TECTA: variants seen among roughly 807,000 people sequenced by gnomAD.
The protein encoded by TECTA is tectorin alpha.
Under a neutral mutation model 216.8 loss-of-function variants are expected in TECTA, and 128 were observed. The ratio of observed to expected loss-of-function variants is 0.59; its 90% confidence interval spans 0.51 to 0.68. The LOEUF is 0.68. Ranked by LOEUF, TECTA falls within the 30% of genes least tolerant of loss-of-function variation. The probability of loss-of-function intolerance (pLI) is 0.00; values close to 1 mark genes in which losing one functional copy is unlikely to be tolerated. For synonymous variants in TECTA, 1,089 were observed against 1,117.1 expected, an observed-to-expected ratio of 0.97 and a Z score of 0.50; for missense variants, 2,551 against 2,786.2, an observed-to-expected ratio of 0.92 and a Z score of 1.90.
At chr11:121,137,085 C>T (rs1450029921) in intron 10 of TECTA, among the ~76,000 whole-genome samples, 1 of 152,214 alleles carries the variant, frequency 6.6e-6, no homozygotes, top group Non-Finnish European at 1.5e-5. Context: ...TAAGACCACA[C>T]ACATATACAG....
At position 121,160,373 on chromosome 11, in the gene TECTA, G is replaced by A. The variant is rs1443352680; in HGVS notation, c.4928G>A (p.Ser1643Asn). 6.2e-7 allele frequency: 1 copy of A among 1,613,564 alleles called. No homozygotes were observed. Among genetic ancestry groups the A allele is most frequent in the Non-Finnish European group, 8.5e-7 (1 of 1,179,996 alleles). The change falls in exon 15 of 24, where the codon AGC becomes AAC. Residue 1643 changes from serine to asparagine, a missense_variant. Physicochemically the swap from Ser to Asn is conservative, Grantham distance 46. Coordinates refer to ENST00000392793, the MANE Select transcript of TECTA (RefSeq NM_005422.4). Reference sequence around the variant, plus strand: ...ACCTTGCGAGGGAAGCCGGTGGTAAGCAGCGTGGTGCTGGCCCAGAGCTGG... The same window carrying A: ...ACCTTGCGAGGGAAGCCGGTGGTAAACAGCGTGGTGCTGGCCCAGAGCTGG... ...YVTLRGKPVV[S>N]SVVLAQSWKT...
rs777385557 is a variant in TECTA at position 121,189,080 on chromosome 11, A to G, written c.6163A>G (p.Thr2055Ala). ...TTCCCCCTGGTATTCTGTCTTGCAG[A>G]CTTGCCCACACAATTCCAGGATTGC... ...CDSEKYSCKI[T>A]CPHNSRIATD... The change falls in exon 22 of 24, where the codon ACT becomes GCT. Residue 2055 changes from threonine (T) to alanine (A), a missense_variant and splice_region_variant. By Grantham distance (58) the Thr-to-Ala change is moderately conservative. Coordinates refer to ENST00000392793, the MANE Select transcript of TECTA (RefSeq NM_005422.4). 6.2e-7 allele frequency: 1 copy of G among 1,614,054 alleles called. No homozygotes were observed. Among genetic ancestry groups the G allele is most frequent in the Non-Finnish European group, 8.5e-7 (1 of 1,180,004 alleles).
intron 20 of TECTA, among the ~76,000 whole-genome samples, chr11:121,180,854 A>ACCTGTATT (rs1947220877): frequency 7.0e-6 from 1 of 142,544 alleles, no homozygotes; most frequent in African/African-American, 2.6e-5. Flanking sequence ...TATTTCAAAG[A>ACCTGTATT]CCTGTATTCA....
At chr11:121,136,223 AG>A (rs1225787717) in intron 10 of TECTA, among the ~76,000 whole-genome samples, 1 of 152,048 alleles carries the variant, frequency 6.6e-6, no homozygotes, top group African/African-American at 2.4e-5. Context: ...AGCCTCCCAA[AG>A]TGCTGGGATT....
At chr11:121,154,245 A>G (rs1946920433) in intron 13 of TECTA, among the ~76,000 whole-genome samples, 1 of 152,244 alleles carries the variant, frequency 6.6e-6, no homozygotes, top group African/African-American at 2.4e-5. Flanking sequence ...GACTCATTCA[A>G]GTTGCCCTAA....
intron 13 of TECTA, among the ~76,000 whole-genome samples, chr11:121,155,586 G>C (rs1946933049): frequency 6.6e-6 from 1 of 152,180 alleles, no homozygotes; most frequent in African/African-American, 2.4e-5. Context: ...ATTTACCCTT[G>C]AATCTGAGTC....
At position 121,118,354 on chromosome 11, in the gene TECTA, C is replaced by T. The variant is rs1946520461; in HGVS notation, c.839C>T (p.Thr280Ile). 2.5e-6 allele frequency: 4 copies of T among 1,614,046 alleles called. No individual in the cohort carries two copies. Among genetic ancestry groups the T allele is most frequent in the Non-Finnish European group, 3.4e-6 (4 of 1,180,046 alleles). The change falls in exon 7 of 24, where the codon ACC becomes ATC. Residue 280 changes from threonine (T) to isoleucine (I), a missense_variant. Transcript: ENST00000392793. Reference sequence around the variant, plus strand: ...GTGTTTTGGGATGACTTGAACTGCACCGTCAAGTGCCGCTGTCTGGATTTC... The same window carrying T: ...GTGTTTTGGGATGACTTGAACTGCATCGTCAAGTGCCGCTGTCTGGATTTC... ...GEVFWDDLNC[T>I]VKCRCLDFNN...
rs564045589 is a variant in TECTA, at chr11:121,107,701, G to A, written c.199-1510G>A. ...GGGTTAAATCAGTTTATCTACCAAC[G>A]TACAGAGCTGCAGATTCACGCAGAG... On this transcript the variant is annotated intron_variant, in intron 3 of 23. Coordinates refer to ENST00000392793, the MANE Select transcript of TECTA (RefSeq NM_005422.4). Among the ~76,000 whole-genome samples, 10 of 152,290 alleles carry A rather than the reference G, an allele frequency of 6.6e-5. No homozygotes were observed. The East Asian group carries it at 1.5e-3, about 23-fold the overall frequency.
chr11:121,168,228 T>C lies in TECTA; in HGVS notation c.5750+11T>C, dbSNP rs1565536226. ...GAAGCCTATGCTAAGGTAAGGTGTCTCCTGGGCTGTGCACATTGCTTTTTC... is the reference window on the plus strand; with the variant it reads ...GAAGCCTATGCTAAGGTAAGGTGTCCCCTGGGCTGTGCACATTGCTTTTTC... On this transcript the variant is annotated intron_variant, in intron 19 of 23. Transcript: ENST00000392793. 6.2e-7 allele frequency: 1 copy of C among 1,614,164 alleles called. No individual in the cohort carries two copies.
At chr11:121,155,296 A>G (rs1481506093) in intron 13 of TECTA, among the ~76,000 whole-genome samples, 1 of 152,204 alleles carries the variant, frequency 6.6e-6, no homozygotes, top group East Asian at 1.9e-4. Context: ...CCTTTATCGT[A>G]TCCACATACA....
intron 18 of TECTA, 101 bp downstream of exon 18, chr11:121,166,881 A>G: frequency 7.3e-7 from 1 of 1,362,292 alleles, no homozygotes; most frequent in Non-Finnish European, 1.0e-6. Flanking sequence ...TGATCTGCTT[A>G]GAAATATGCT....
chr11:121,137,743 C>G lies in TECTA; in HGVS notation c.3264C>G (p.Gly1088=), dbSNP rs1211212986. The G allele has an allele frequency of 6.2e-7, 1 of 1,614,130 alleles. No homozygotes were observed. Among genetic ancestry groups the G allele is most frequent in the Non-Finnish European group, 8.5e-7 (1 of 1,180,030 alleles). Residue 1088 remains glycine, a synonymous_variant, in exon 11 of 24, where the codon GGC becomes GGG. Transcript: ENST00000392793. The part of the protein sequence containing the change: ...KDDEYCMEEG[G]LYYCQARTDA... ...ATGAGTACTGCATGGAGGAAGGTGGCCTGTACTACTGCCAAGCCCGCACCG... is the reference window on the plus strand; with the variant it reads ...ATGAGTACTGCATGGAGGAAGGTGGGCTGTACTACTGCCAAGCCCGCACCG...
intron 23 of TECTA, among the ~76,000 whole-genome samples, chr11:121,190,323 G>C (rs1290440164): frequency 6.6e-6 from 1 of 152,122 alleles, no homozygotes; most frequent in Non-Finnish European, 1.5e-5. Context: ...GGAGTGCAGT[G>C]GCATGATCTT....
chr11:121,125,764 A>G lies in TECTA; in HGVS notation c.1666A>G (p.Ser556Gly). The G allele has an allele frequency of 6.2e-7, 1 of 1,614,172 alleles. No individual in the cohort carries two copies. Among genetic ancestry groups the G allele is most frequent in the Non-Finnish European group, 8.5e-7 (1 of 1,180,048 alleles). ...GCACAGCTGCGTGTATGACCTGTGC[A>G]GTGTGAGGGACAATGGCACGCTCCT... ...FVHSCVYDLC[S>G]VRDNGTLLCQ... The change falls in exon 8 of 24, where the codon AGT becomes GGT. Residue 556 changes from serine to glycine, a missense_variant. Physicochemically the swap from Ser to Gly is moderately conservative, Grantham distance 56. This residue lies in a region of TECTA where 2,375 missense variants were observed against 2,563.9 expected (regional missense o/e 0.93). Coordinates refer to ENST00000392793, the MANE Select transcript of TECTA (RefSeq NM_005422.4).
At chr11:121,125,194 C>T in intron 7 of TECTA, 108 bp from the exon 8 acceptor site, 1 of 1,155,408 alleles carries the variant, frequency 8.7e-7, no homozygotes, top group Non-Finnish European at 1.3e-6. Flanking sequence ...TTTAGGTGGC[C>T]ATTCTCTCTG....
chr11:121,180,717 A>G (rs1253022937), intron 20 of TECTA, among the ~76,000 whole-genome samples: 1 of 151,568 alleles, frequency 6.6e-6, no homozygotes, highest in Admixed American at 6.6e-5. Context: ...ATGCCTTTGG[A>G]CATCTTTTGC....
At position 121,113,993 on chromosome 11, in the gene TECTA, G is replaced by T. The variant is rs1390753417; in HGVS notation, c.790+275G>T. 1.3e-5 allele frequency among the ~76,000 whole-genome samples: 2 copies of T among 152,158 alleles called. No individual in the cohort carries two copies. The highest frequency in any genetic ancestry group is 2.9e-5 in the Non-Finnish European group (2 of 68,030). On this transcript the variant is annotated intron_variant, in intron 6 of 23. Coordinates refer to ENST00000392793, the MANE Select transcript of TECTA (RefSeq NM_005422.4). This position sits in a 1 kb window ranked among gnomAD's most constrained non-coding sequence, Gnocchi z 4.2. ...ACTCCGAAATGGACCAAGATCTTGAGTGATTTCTGAGCCAGAGGGACAGAA... is the reference window on the plus strand; with the variant it reads ...ACTCCGAAATGGACCAAGATCTTGATTGATTTCTGAGCCAGAGGGACAGAA...
intron 11 of TECTA, among the ~76,000 whole-genome samples, chr11:121,142,075 T>C (rs984828788): frequency 1.8e-4 from 27 of 152,000 alleles, no homozygotes; most frequent in African/African-American, 6.5e-4. Context: ...AAAGGAAATA[T>C]TGGTGCAGAC....
Position 121,190,985 on chromosome 11 carries a change from G to A in TECTA, c.*179G>A. 1 of 569,166 alleles carries A rather than the reference G, an allele frequency of 1.8e-6. No homozygotes were observed. 35.3% of individuals were successfully genotyped at this position (569,166 alleles called of 1,614,324 possible). ...AGCGACCATCCAAGCTCCTCTTTCA[G>A]AGTATGAAACGGGGCTTCTACAAGC... On this transcript the variant is annotated 3_prime_UTR_variant, in exon 24 of 24. Coordinates refer to ENST00000392793, the MANE Select transcript of TECTA (RefSeq NM_005422.4).
Sources: allele counts gnomAD v4.1 joint callset (sites outside exome capture counted in the v4.1 genomes callset), GRCh38; gene constraint gnomAD v4.1.1; regional missense constraint gnomAD v4.1.1; non-coding constraint Gnocchi (gnomAD v3.1); transcripts MANE v1.5; gene names NCBI Gene and HGNC (gene_info 2026-07-23, HGNC 2026-07-21).